The following ALKBH8 variants were observed in gnomAD, a reference collection of about 807,000 sequenced individuals.
The protein encoded by ALKBH8 is alkB homolog 8, tRNA methyltransferase.
ALKBH8 carries 36 observed loss-of-function variants against 59.8 expected under a neutral mutation model. The ratio of observed to expected loss-of-function variants is 0.60; its 90% CI spans 0.46 to 0.79. The LOEUF (loss-of-function observed/expected upper bound fraction) is 0.79. ALKBH8 is among the 30% of genes least tolerant of loss of function. The pLI is 0.00. For synonymous variants in ALKBH8, 276 were observed against 273.6 expected, an observed-to-expected ratio of 1.01 and a Z score of -0.09; for missense variants, 768 against 801.0, an observed-to-expected ratio of 0.96 and a Z score of 0.50.
At chr11:107,543,972 T>C (rs971618634) in intron 7 of ALKBH8, among the ~76,000 whole-genome samples, 2 of 152,212 alleles carry the variant, frequency 1.3e-5, no homozygotes, top group African/African-American at 4.8e-5. Context: ...TATTGATGAG[T>C]GAATTTATAT....
At chr11:107,561,878 A>T (rs1054335898) in intron 1 of ALKBH8, among the ~76,000 whole-genome samples, 1 of 152,242 alleles carries the variant, frequency 6.6e-6, no homozygotes, top group Non-Finnish European at 1.5e-5. Context: ...TAAAGTACAT[A>T]GTTTATGCTT....
chr11:107,516,566 C>T (rs1862870804), intron 10 of ALKBH8, among the ~76,000 whole-genome samples: 1 of 152,036 alleles, frequency 6.6e-6, no homozygotes, highest in Non-Finnish European at 1.5e-5. Flanking sequence ...TTGGATATGA[C>T]CCCAAAAACA....
rs146101497 is a variant in ALKBH8 at position 107,560,935 on chromosome 11, A to C, written c.-6-36T>G. 6.1e-4 allele frequency: 942 copies of C among 1,539,820 alleles called. 11 individuals are homozygous for C. The East Asian group carries it at 0.019, about 30-fold the overall frequency. ...ACAAGACAGTAAAAAAGTCAACCTTAAGAGTCCTGAAGGAACAATTATAAT... is the reference window on the plus strand; with the variant it reads ...ACAAGACAGTAAAAAAGTCAACCTTCAGAGTCCTGAAGGAACAATTATAAT... On this transcript the variant is annotated intron_variant, in intron 1 of 11. Transcript: ENST00000428149.
rs1228235352 is a variant in ALKBH8 at position 107,504,970 on chromosome 11, A to G, written c.1683T>C (p.Asn561=). ...AATTACATCCTCCTTCCTGAGAGTC[A>G]TTAATGCGGGGGACAGAAGATGCCG... ...RDSASSVPRI[N]DSQEGGCNSR... is the part of the protein sequence containing the mutation. The change falls in exon 12 of 12, where the codon AAT becomes AAC. Residue 561 remains asparagine, a synonymous_variant. Coordinates refer to ENST00000428149, the MANE Select transcript of ALKBH8 (RefSeq NM_138775.3). The G allele has an allele frequency of 1.3e-6, 2 of 1,551,656 alleles. No individual in the cohort carries two copies. The highest frequency in any genetic ancestry group is 1.4e-5 in the African/African-American group (1 of 73,032).
At chr11:107,542,395 T>C (rs1253844420) in intron 7 of ALKBH8, among the ~76,000 whole-genome samples, 1 of 152,178 alleles carries the variant, frequency 6.6e-6, no homozygotes, top group Non-Finnish European at 1.5e-5. Flanking sequence ...ATGAAATCTT[T>C]AGTGCATGAG....
intron 2 of ALKBH8, among the ~76,000 whole-genome samples, chr11:107,557,401 C>T (rs1312874171): frequency 6.6e-6 from 1 of 152,098 alleles, no homozygotes; most frequent in Non-Finnish European, 1.5e-5. Flanking sequence ...CTACTCAATC[C>T]TCATTAACAT....
intron 7 of ALKBH8, among the ~76,000 whole-genome samples, chr11:107,545,328 G>A (rs1369879468): frequency 6.6e-6 from 1 of 152,094 alleles, no homozygotes; most frequent in Non-Finnish European, 1.5e-5. Flanking sequence ...TACCCTGTGA[G>A]TCATTCTGAT....
At chr11:107,551,653 C>T (rs112585139) in intron 6 of ALKBH8, among the ~76,000 whole-genome samples, 155 bp downstream of exon 6, 2,061 of 148,218 alleles carry the variant, frequency 0.014, 39 homozygotes, top group African/African-American at 0.048. Flanking sequence ...GAGACCACGC[C>T]GTTGCACTCC....
intron 8 of ALKBH8, among the ~76,000 whole-genome samples, chr11:107,529,410 G>C (rs494029): frequency 0.45 from 68,927 of 151,872 alleles, 16,970 homozygotes; most frequent in Non-Finnish European, 0.56. Flanking sequence ...GAAATATATT[G>C]TTTATCATAG....
chr11:107,565,373 C>G, intron 1 of ALKBH8: 1 of 603,576 alleles, frequency 1.7e-6, no homozygotes, highest in Non-Finnish European at 2.9e-6. Flanking sequence ...ACAGGCACCA[C>G]GTGAGCGCCC....
chr11:107,515,343 T>A (rs2135484004), intron 10 of ALKBH8, among the ~76,000 whole-genome samples: 1 of 152,278 alleles, frequency 6.6e-6, no homozygotes, highest in Admixed American at 6.5e-5. Flanking sequence ...TTAAAACATA[T>A]ACTGGGCTTA....
At chr11:107,526,819 T>G (rs1220535814) in intron 8 of ALKBH8, among the ~76,000 whole-genome samples, 1 of 152,004 alleles carries the variant, frequency 6.6e-6, no homozygotes, top group East Asian at 1.9e-4. Flanking sequence ...CAGCACCATC[T>G]GATGAAAAAT....
chr11:107,515,415 G>A (rs1020527254), intron 10 of ALKBH8, among the ~76,000 whole-genome samples: 1 of 152,126 alleles, frequency 6.6e-6, no homozygotes, highest in Non-Finnish European at 1.5e-5. Context: ...GAGTGCAATG[G>A]CACAAACACA....
At chr11:107,511,240 A>G (rs971348284) in intron 10 of ALKBH8, among the ~76,000 whole-genome samples, 3 of 152,334 alleles carry the variant, frequency 2.0e-5, no homozygotes, top group East Asian at 1.9e-4. Flanking sequence ...ACCTTAACAG[A>G]TATCAAACAG....
chr11:107,510,200 G>A (rs1226582128), intron 11 of ALKBH8, among the ~76,000 whole-genome samples: 2 of 152,280 alleles, frequency 1.3e-5, no homozygotes, highest in African/African-American at 4.8e-5. Flanking sequence ...AAGGTCTACT[G>A]AAACTGCTGG....
intron 7 of ALKBH8, among the ~76,000 whole-genome samples, chr11:107,548,382 T>C (rs1028104704): frequency 6.6e-6 from 1 of 152,226 alleles, no homozygotes; most frequent in Non-Finnish European, 1.5e-5. Flanking sequence ...GTTTTCTCAG[T>C]AGTAAAGTTA....
chr11:107,518,348 T>A (rs530776918), intron 10 of ALKBH8, among the ~76,000 whole-genome samples: 9 of 152,334 alleles, frequency 5.9e-5, no homozygotes, highest in Admixed American at 2.0e-4. Flanking sequence ...CAGGCTGAAG[T>A]GCAGTGTGCG....
Position 107,522,518 on chromosome 11 carries a change from A to C in ALKBH8, c.1068T>G (p.Thr356=). 1 of 1,551,544 alleles carries C rather than the reference A, an allele frequency of 6.4e-7. No homozygotes were observed. Among genetic ancestry groups the C allele is most frequent in the Non-Finnish European group, 8.7e-7 (1 of 1,146,926 alleles). The part of the protein sequence containing the change: ...PLVCDSQRKE[T]PPSFPESDKE... ...TATCACTCTCTGGAAATGAGGGGGG[A>C]GTCTCTTTCCTCTGGCTATCACAGA... The change falls in exon 10 of 12, where the codon ACT becomes ACG. Residue 356 remains threonine (T), a synonymous_variant. Transcript: ENST00000428149.
At chr11:107,535,548 A>AT (rs1266828415) in intron 7 of ALKBH8, among the ~76,000 whole-genome samples, 2 of 152,226 alleles carry the variant, frequency 1.3e-5, no homozygotes, top group Admixed American at 1.3e-4. Context: ...GTCCACTTGT[A>AT]TATTGTCTTT....
Sources: allele counts gnomAD v4.1 joint callset (sites outside exome capture counted in the v4.1 genomes callset), GRCh38; gene constraint gnomAD v4.1.1; transcripts MANE v1.5; gene names NCBI Gene and HGNC (gene_info 2026-07-23, HGNC 2026-07-21).